The following ALG1 variants were observed in gnomAD, a reference collection of about 807,000 sequenced individuals.
The protein encoded by ALG1 is ALG1 chitobiosyldiphosphodolichol beta-mannosyltransferase.
ALG1 carries 58 observed loss-of-function variants against 55.1 expected under a neutral mutation model. The observed-to-expected ratio is 1.05, with a 90% CI of 0.85 to 1.31. The LOEUF is 1.31. Among genes scored for constraint, ALG1 ranks in the 50% most tolerant of loss-of-function variants. The pLI is 0.00. For missense variants in ALG1, 761 were observed against 598.6 expected, an observed-to-expected ratio of 1.27 and a Z score of -2.83; for synonymous variants, 309 against 247.0, an observed-to-expected ratio of 1.25 and a Z score of -2.35.
Position 5,084,499 on chromosome 16 carries a change from C to T in ALG1, c.1264-251C>T, listed in dbSNP as rs34385676. ...GGTGCTCACAGGGGAATGGGCAGCA[C>T]GTAGAGGCCGGGAGGTGCTCCAGGG... is the stretch of plus-strand genomic sequence containing the variant. On this transcript the variant is annotated intron_variant, in intron 12 of 12. Transcript: ENST00000262374. 0.047 allele frequency: 30,025 copies of T among 632,596 alleles called. 868 individuals carry two copies. The highest frequency in any genetic ancestry group is 0.083 in the Middle Eastern group (193 of 2,312). 39.2% of individuals were successfully genotyped at this position (632,596 alleles called of 1,614,324 possible). A position where few individuals can be genotyped will look rare whatever the true frequency, so the allele number is the denominator to read the frequency against.
chr16:5,076,774 C>G (rs1447833187), intron 4 of ALG1, among the ~76,000 whole-genome samples: 2 of 150,502 alleles, frequency 1.3e-5, no homozygotes, highest in African/African-American at 4.9e-5. Flanking sequence ...GCTAGTGAGG[C>G]CTTCATTGTA....
intron 10 of ALG1, among the ~76,000 whole-genome samples, 188 bp from the exon 11 acceptor site, chr16:5,082,371 A>G (rs1156636835): frequency 6.6e-6 from 1 of 152,230 alleles, no homozygotes; most frequent in Non-Finnish European, 1.5e-5. Context: ...AAAAGTGTCA[A>G]CTTACATTTT....
At chr16:5,082,087 C>T (rs1003830164) in intron 10 of ALG1, among the ~76,000 whole-genome samples, 19 of 151,632 alleles carry the variant, frequency 1.3e-4, no homozygotes, top group Admixed American at 3.9e-4. Flanking sequence ...TGACTACAGG[C>T]GCCTGCCACG....
At chr16:5,078,917 G>A in intron 7 of ALG1, 39 bp downstream of exon 7, 1 of 1,608,068 alleles carries the variant, frequency 6.2e-7, no homozygotes, top group Non-Finnish European at 8.5e-7. Flanking sequence ...TTGGTGTGAC[G>A]GGCACCTGGC....
chr16:5,082,857 T>A (rs541629832), intron 11 of ALG1, among the ~76,000 whole-genome samples, 184 bp downstream of exon 11: 1 of 152,344 alleles, frequency 6.6e-6, no homozygotes, highest in East Asian at 1.9e-4. Context: ...AAGTAGTTGC[T>A]TCCATTTAGA....
rs753904901 is a variant in ALG1, at chr16:5,077,922, C to T, written c.645C>T (p.Tyr215=). 1.9e-5 allele frequency: 30 copies of T among 1,608,004 alleles called. No homozygotes were observed. The East Asian group carries it at 2.2e-4, about 12-fold the overall frequency. Residue 215 remains tyrosine (Y), a synonymous_variant, in exon 6 of 13, where the codon TAC becomes TAT. Transcript: ENST00000262374. ...DNWHIRAVTV[Y]DKPASFFKET... Reference sequence around the variant, plus strand: ...TTCATTGCAGGGCTGTGACCGTCTACGACAAGCCCGCATCTTTCTTTAAAG... The same window carrying T: ...TTCATTGCAGGGCTGTGACCGTCTATGACAAGCCCGCATCTTTCTTTAAAG...
intron 9 of ALG1, among the ~76,000 whole-genome samples, chr16:5,080,161 A>G (rs1347757367): frequency 6.9e-6 from 1 of 144,040 alleles, no homozygotes; most frequent in African/African-American, 2.6e-5. Flanking sequence ...TCCGCCTCCC[A>G]CATTCAAGCA....
rs1457150535 is a variant in ALG1 at position 5,077,303 on chromosome 16, A to C, written c.540-142A>C. On this transcript the variant is annotated intron_variant, in intron 4 of 12. Coordinates refer to ENST00000262374, the MANE Select transcript of ALG1 (RefSeq NM_019109.5). The stretch of plus-strand genomic sequence containing the variant: ...AGGAGGGTATATACAGCATAAAGAA[A>C]GAACACTGGCACAGCTGGGGCTCAG... 10 of 753,698 alleles carry C rather than the reference A, an allele frequency of 1.3e-5. No individual in the cohort carries two copies. The Admixed American group carries it at 2.0e-4, about 15-fold the overall frequency. The allele number at this position is 753,698 out of a possible 1,614,324, so 46.7% of individuals were successfully genotyped here. A position where few individuals can be genotyped will look rare whatever the true frequency, so the allele number is the denominator to read the frequency against.
rs2142726307 is a variant in ALG1, at chr16:5,082,806, G to A, written c.1187+133G>A. 3.0e-6 allele frequency: 3 copies of A among 1,009,010 alleles called. No individual in the cohort carries two copies. In the South Asian group the frequency reaches 4.1e-5, roughly 14 times the overall value. 62.5% of individuals were successfully genotyped at this position (1,009,010 alleles called of 1,614,324 possible). A position where few individuals can be genotyped will look rare whatever the true frequency, so the allele number is the denominator to read the frequency against. On this transcript the variant is annotated intron_variant, in intron 11 of 12. Transcript: ENST00000262374. ...TCCGGCACACACTGGAGGCCATGAG[G>A]AGGAGCCCTGCGGTTACTGTGGCTG...
At position 5,085,645 on chromosome 16, in the gene ALG1, T is replaced by G. The variant is rs776562609; in HGVS notation, c.*764T>G. On this transcript the variant is annotated 3_prime_UTR_variant, in exon 13 of 13. Coordinates refer to ENST00000262374, the MANE Select transcript of ALG1 (RefSeq NM_019109.5). Reference sequence around the variant, plus strand: ...CGTGTGTGAGTCCTACAGGGTGAGATTCAGCATTGCCATCTCCAAGTGCTC... The same window carrying G: ...CGTGTGTGAGTCCTACAGGGTGAGAGTCAGCATTGCCATCTCCAAGTGCTC... 2.4e-5 allele frequency: 38 copies of G among 1,609,462 alleles called. 1 individual carries two copies. The highest frequency in any genetic ancestry group is 6.7e-5 in the East Asian group (3 of 44,886).
chr16:5,072,110 G>T, intron 1 of ALG1, 53 bp downstream of exon 1: 1 of 1,550,278 alleles, frequency 6.5e-7, no homozygotes, highest in Non-Finnish European at 8.7e-7. Flanking sequence ...GTTGATCCTC[G>T]GTTCTAACCG....
chr16:5,076,686 C>T (rs894215765), intron 4 of ALG1, among the ~76,000 whole-genome samples: 3 of 152,156 alleles, frequency 2.0e-5, no homozygotes, highest in Admixed American at 6.5e-5. Flanking sequence ...ACAATGCTCA[C>T]TGAATCCCTT....
Position 5,077,887 on chromosome 16 carries a change from C to G in ALG1, c.630-20C>G. The G allele has an allele frequency of 6.2e-7, 1 of 1,606,490 alleles. No individual in the cohort carries two copies. Among genetic ancestry groups the G allele is most frequent in the Non-Finnish European group, 8.5e-7 (1 of 1,179,252 alleles). On this transcript the variant is annotated intron_variant, in intron 5 of 12. Transcript: ENST00000262374. Reference sequence around the variant, plus strand: ...CCTTTCTTCAGCCCTCCCAATAGCCCCGTCATGATTTCATTGCAGGGCTGT... The same window carrying G: ...CCTTTCTTCAGCCCTCCCAATAGCCGCGTCATGATTTCATTGCAGGGCTGT...
intron 4 of ALG1, among the ~76,000 whole-genome samples, chr16:5,075,855 C>A (rs1349428301): frequency 6.6e-6 from 1 of 152,188 alleles, no homozygotes. Context: ...TAGCTCTTGT[C>A]CTCACGTAGG....
chr16:5,078,523 C>T, intron 6 of ALG1: 3 of 766,402 alleles, frequency 3.9e-6, no homozygotes, highest in Non-Finnish European at 4.5e-6. Flanking sequence ...GACAGTAAGT[C>T]CCGTGGAGAA....
chr16:5,075,650 T>C (rs1956898916), intron 4 of ALG1, 114 bp downstream of exon 4: 1 of 1,333,228 alleles, frequency 7.5e-7, no homozygotes, highest in African/African-American at 1.4e-5. Flanking sequence ...CTGCAGGAGG[T>C]GGGGTGAGGC....
intron 1 of ALG1, 125 bp downstream of exon 1, chr16:5,072,182 T>C: frequency 7.1e-7 from 1 of 1,417,496 alleles, no homozygotes; most frequent in Non-Finnish European, 9.2e-7. Context: ...TCTCCGAGAT[T>C]AGACGAGCGG....
In ALG1 at chr16:5,078,885, A is replaced by AGGACCCT; in HGVS notation, c.862+13_862+14insTGGACCC. The AGGACCCT allele has an allele frequency of 6.2e-7, 1 of 1,611,178 alleles. No individual in the cohort carries two copies. Among genetic ancestry groups the AGGACCCT allele is most frequent in the Non-Finnish European group, 8.5e-7 (1 of 1,179,584 alleles). On this transcript the variant is annotated splice_region_variant and intron_variant, in intron 7 of 12. Coordinates refer to ENST00000262374, the MANE Select transcript of ALG1 (RefSeq NM_019109.5). ...AGCAGCACGAGCTGGACAGGTCTGC[A>AGGACCCT]GGACCCCTGGGGCACTTGGGGTTGG...
chr16:5,085,292 G>T lies in ALG1; in HGVS notation c.*411G>T. The T allele has an allele frequency of 2.0e-6, 1 of 489,852 alleles. No homozygotes were observed. Among genetic ancestry groups the T allele is most frequent in the Non-Finnish European group, 3.7e-6 (1 of 268,488 alleles). The allele number at this position is 489,852 out of a possible 1,614,324, so 30.3% of individuals were successfully genotyped here. On this transcript the variant is annotated 3_prime_UTR_variant, in exon 13 of 13. Transcript: ENST00000262374. ...CCCAGGGATGTGGCAGCTGCAGTGGGCTTGGCTTTGTGAGGAACTGAGTGT... is the reference window on the plus strand; with the variant it reads ...CCCAGGGATGTGGCAGCTGCAGTGGTCTTGGCTTTGTGAGGAACTGAGTGT...
Sources: allele counts gnomAD v4.1 joint callset (sites outside exome capture counted in the v4.1 genomes callset), GRCh38; gene constraint gnomAD v4.1.1; transcripts MANE v1.5; gene names NCBI Gene and HGNC (gene_info 2026-07-23, HGNC 2026-07-21).